Variants in AGT observed in about 807,000 individuals in gnomAD.
AGT encodes the protein alpha-1 antiproteinase, antitrypsin.
A neutral mutation model predicts 28.1 loss-of-function variants in AGT; 26 were observed. The observed-to-expected ratio is 0.92, with a 90% CI of 0.68 to 1.28. The LOEUF is 1.28. AGT is among the 50% of genes most tolerant of loss of function. The pLI is 0.00. For missense variants in AGT, 596 were observed against 592.3 expected, an observed-to-expected ratio of 1.01 and a Z score of -0.06; for synonymous variants, 259 against 259.6, an observed-to-expected ratio of 1.00 and a Z score of 0.02.
chr1:230,734,840 G>T (rs943029362), intron 1 of AGT, among the ~76,000 whole-genome samples: 1 of 152,114 alleles, frequency 6.6e-6, no homozygotes, highest in East Asian at 1.9e-4. Flanking sequence ...CTCCCAAGTA[G>T]CTGGGACTAC....
chr1:230,745,376 G>A (rs887714852), intron 1 of AGT, among the ~76,000 whole-genome samples: 1 of 152,214 alleles, frequency 6.6e-6, no homozygotes, highest in African/African-American at 2.4e-5. Context: ...TCACAGCTTG[G>A]AAGCAGGGAC....
upstream of AGT, among the ~76,000 whole-genome samples, chr1:230,714,575 T>G (rs925363072): frequency 6.6e-6 from 1 of 152,180 alleles, no homozygotes; most frequent in Non-Finnish European, 1.5e-5. Flanking sequence ...CTGACCCTGC[T>G]GCCCGCTCAT....
intron 3 of AGT, 93 bp from the exon 4 acceptor site, chr1:230,704,430 C>A: frequency 6.7e-7 from 1 of 1,495,538 alleles, no homozygotes; most frequent in East Asian, 2.4e-5. Context: ...GCACCCAACC[C>A]TGACGACAGG....
chr1:230,723,215 T>C (rs1281543389), intron 1 of AGT, among the ~76,000 whole-genome samples: 2 of 152,178 alleles, frequency 1.3e-5, no homozygotes, highest in African/African-American at 2.4e-5. Flanking sequence ...TCCACCATCA[T>C]TGTAAGTTTC....
chr1:230,717,706 T>G (rs571621869), upstream of AGT, among the ~76,000 whole-genome samples: 1 of 152,280 alleles, frequency 6.6e-6, no homozygotes, highest in South Asian at 2.1e-4. Flanking sequence ...AGTTCCAAGT[T>G]TTCCTTGCAT....
intron 4 of AGT, among the ~76,000 whole-genome samples, chr1:230,703,983 G>A (rs45609233): frequency 1.0e-3 from 159 of 152,314 alleles, no homozygotes; most frequent in Non-Finnish European, 1.9e-3. Context: ...GCAGGAGGAG[G>A]CACAGCAGGG....
intron 1 of AGT, among the ~76,000 whole-genome samples, chr1:230,728,655 C>G (rs1471052464): frequency 6.6e-6 from 1 of 152,192 alleles, no homozygotes; most frequent in Non-Finnish European, 1.5e-5. Context: ...ATGGGTCACC[C>G]TTTTAAGCTT....
intron 2 of AGT, among the ~76,000 whole-genome samples, chr1:230,707,691 G>GC (rs1413995588): frequency 3.9e-5 from 6 of 152,278 alleles, no homozygotes; most frequent in African/African-American, 1.4e-4. Context: ...TTAGTTTAGA[G>GC]GGGGGAAAGG....
chr1:230,744,807 G>A (rs1664313503), intron 1 of AGT, among the ~76,000 whole-genome samples: 2 of 152,204 alleles, frequency 1.3e-5, no homozygotes. Context: ...TGGGTCTGGT[G>A]CTGAGCAAAC....
upstream of AGT, among the ~76,000 whole-genome samples, chr1:230,719,410 T>TTTTTGTTTGTTTGTTTTTG (rs1558291301): frequency 1.7e-5 from 1 of 58,254 alleles, no homozygotes. Context: ...CATTATGTTT[T>TTTTTGTTTGTTTGTTTTTG]TTTTTTTTTT....
intron 2 of AGT, among the ~76,000 whole-genome samples, chr1:230,707,678 C>T (rs3789664): frequency 0.043 from 6,567 of 152,312 alleles, 180 homozygotes; most frequent in Admixed American, 0.069. Context: ...GCTGGCAAGG[C>T]TTTTAGTTTA....
chr1:230,722,269 T>A (rs1288471651), intron 1 of AGT, among the ~76,000 whole-genome samples: 1 of 152,190 alleles, frequency 6.6e-6, no homozygotes, highest in Non-Finnish European at 1.5e-5. Flanking sequence ...GGAACCTAGA[T>A]TTCAGAGTAT....
upstream of AGT, among the ~76,000 whole-genome samples, chr1:230,717,179 T>A (rs189318613): frequency 8.6e-5 from 13 of 151,388 alleles, no homozygotes; most frequent in African/African-American, 2.9e-4. Flanking sequence ...TTGTTTAAAG[T>A]ATAGCTCTTT....
upstream of AGT, among the ~76,000 whole-genome samples, chr1:230,719,508 C>T (rs1055318972): frequency 6.5e-4 from 98 of 151,120 alleles, 1 homozygote; most frequent in Middle Eastern, 3.4e-3. Flanking sequence ...CCTGGGTTCA[C>T]GCCATTCTCC....
chr1:230,727,556 A>C (rs1356697278), intron 1 of AGT, among the ~76,000 whole-genome samples: 2 of 152,252 alleles, frequency 1.3e-5, no homozygotes, highest in African/African-American at 4.8e-5. Context: ...AATATGCATA[A>C]TATCTAGCAA....
At chr1:230,732,050 C>T (rs1205099212) in intron 1 of AGT, among the ~76,000 whole-genome samples, 1 of 152,144 alleles carries the variant, frequency 6.6e-6, no homozygotes, top group Non-Finnish European at 1.5e-5. Context: ...CCAACCCTAT[C>T]TCACCTTATT....
chr1:230,739,607 C>T (rs936238812), intron 1 of AGT, among the ~76,000 whole-genome samples: 7 of 152,084 alleles, frequency 4.6e-5, no homozygotes, highest in Non-Finnish European at 7.3e-5. Flanking sequence ...GGGGTAATTA[C>T]GGTGCATTGC....
At chr1:230,728,588 T>A (rs1663995302) in intron 1 of AGT, among the ~76,000 whole-genome samples, 1 of 152,202 alleles carries the variant, frequency 6.6e-6, no homozygotes, top group South Asian at 2.1e-4. Context: ...AAGATATAAC[T>A]GGCAAAATGA....
Position 230,702,853 on chromosome 1 carries a change from G to A in AGT, c.*288C>T, listed in dbSNP as rs553732498. 8.7e-5 allele frequency: 39 copies of A among 446,518 alleles called. No individual in the cohort carries two copies. The highest frequency in any genetic ancestry group is 1.1e-4 in the Non-Finnish European group (27 of 246,250). The allele number at this position is 446,518 out of a possible 1,614,324, so 27.7% of individuals were successfully genotyped here. On this transcript the variant is annotated 3_prime_UTR_variant, in exon 5 of 5. Coordinates refer to ENST00000366667, the MANE Select transcript of AGT (RefSeq NM_001384479.1). ...GAATTCTTTTTGGAACAGTAGTCCC[G>A]CGCTAAACACTGGTTCTTGCCTCCC...
Sources: gnomAD v4.1 joint callset for allele counts (sites outside exome capture counted in the v4.1 genomes callset) on GRCh38, gnomAD v4.1.1 for gene constraint, MANE v1.5 for transcripts, NCBI Gene and HGNC (gene_info 2026-07-23, HGNC 2026-07-21) for gene names.